SERPINB2: variants seen among roughly 807,000 people sequenced by gnomAD.
SERPINB2 encodes the protein serpin family B member 2.
Under a neutral mutation model 39.4 loss-of-function variants are expected in SERPINB2, and 28 were observed. That is an observed-to-expected ratio of 0.71 (90% CI 0.53 to 0.97). The LOEUF is 0.97. SERPINB2 is among the 50% of genes least tolerant of loss of function. The pLI, the probability that SERPINB2 is intolerant of heterozygous loss-of-function variation, is 0.00. For synonymous variants in SERPINB2, 209 were observed against 175.1 expected, an observed-to-expected ratio of 1.19 and a Z score of -1.53; for missense variants, 557 against 505.3, an observed-to-expected ratio of 1.10 and a Z score of -0.98.
intron 2 of SERPINB2, among the ~76,000 whole-genome samples, chr18:63,892,356 G>A (rs1189667111): frequency 1.3e-5 from 2 of 152,122 alleles, no homozygotes; most frequent in Non-Finnish European, 2.9e-5. Flanking sequence ...CTCTTTCCAC[G>A]GAGTCTGGGC....
chr18:63,894,471 G>A (rs1317881709), intron 2 of SERPINB2, among the ~76,000 whole-genome samples: 1 of 152,086 alleles, frequency 6.6e-6, no homozygotes, highest in Non-Finnish European at 1.5e-5. Context: ...CTTCTCCTCA[G>A]GGACCCCATA....
chr18:63,888,162 C>A (rs2049904632), intron 1 of SERPINB2, among the ~76,000 whole-genome samples: 1 of 152,112 alleles, frequency 6.6e-6, no homozygotes, highest in Admixed American at 6.5e-5. Flanking sequence ...TGAATGTAAT[C>A]TCTACATTGT....
intron 4 of SERPINB2, 51 bp from the exon 5 acceptor site, chr18:63,897,676 G>A: frequency 8.2e-7 from 1 of 1,212,638 alleles, no homozygotes; most frequent in South Asian, 1.2e-5. Context: ...TTATGCCATG[G>A]CTTGTTTGGT....
chr18:63,897,042 G>T, intron 3 of SERPINB2, 49 bp from the exon 4 acceptor site: 1 of 1,547,700 alleles, frequency 6.5e-7, no homozygotes, highest in Non-Finnish European at 8.8e-7. Context: ...GAACTATCTT[G>T]TTTAGTAGTT....
At chr18:63,896,274 G>A (rs532958465) in intron 3 of SERPINB2, among the ~76,000 whole-genome samples, 1 of 152,294 alleles carries the variant, frequency 6.6e-6, no homozygotes, top group South Asian at 2.1e-4. Context: ...CCCTGCCCTA[G>A]GACAGGCTGC....
intron 2 of SERPINB2, among the ~76,000 whole-genome samples, chr18:63,894,349 C>T (rs1332133763): frequency 6.6e-6 from 1 of 152,210 alleles, no homozygotes; most frequent in African/African-American, 2.4e-5. Context: ...AAAGACCTCA[C>T]AAACCCTAAC....
chr18:63,902,410 C>T lies in SERPINB2; in HGVS notation c.685C>T (p.Arg229Cys), dbSNP rs560133768. 1.1e-5 allele frequency: 17 copies of T among 1,598,842 alleles called. No individual in the cohort carries two copies. Among genetic ancestry groups the T allele is most frequent in the African/African-American group, 1.3e-5 (1 of 74,260 alleles). The change falls in exon 7 of 8, where the codon CGC (arginine) becomes TGC (cysteine). Residue 229 changes from arginine (R) to cysteine (C), a missense_variant. Transcript: ENST00000299502. ...LYPFRVNSAQ[R>C]TPVQMMYLRE... ...TACCTTTTAATAATATTAGGCTCAGCGCACACCTGTACAGATGATGTACTT... is the reference window on the plus strand; with the variant it reads ...TACCTTTTAATAATATTAGGCTCAGTGCACACCTGTACAGATGATGTACTT...
Position 63,895,285 on chromosome 18 carries a change from G to A in SERPINB2, c.190G>A (p.Gly64Arg), listed in dbSNP as rs2049951784. The A allele has an allele frequency of 1.2e-6, 2 of 1,613,916 alleles. No homozygotes were observed. Among genetic ancestry groups the A allele is most frequent in the Non-Finnish European group, 1.7e-6 (2 of 1,179,936 alleles). ...GCAGGTGCTTCAGTTTAATGAAGTG[G>A]GAGCCAATGCAGTTACCCCCATGAC... is the stretch of plus-strand genomic sequence containing the variant. ...MAKVLQFNEV[G>R]ANAVTPMTPE... Residue 64 changes from glycine to arginine, a missense_variant, in exon 3 of 8, where the codon GGA becomes AGA. Coordinates refer to ENST00000299502, the MANE Select transcript of SERPINB2 (RefSeq NM_002575.3).
At chr18:63,901,238 A>G (rs1453097855) in intron 5 of SERPINB2, among the ~76,000 whole-genome samples, 2 of 152,178 alleles carry the variant, frequency 1.3e-5, no homozygotes, top group African/African-American at 4.8e-5. Context: ...AGGCTCATCC[A>G]GGATAATTCT....
rs375827996 is a variant in SERPINB2, at chr18:63,903,452, A to C, written c.*147A>C. 8 of 644,502 alleles carry C rather than the reference A, an allele frequency of 1.2e-5. No individual in the cohort carries two copies. In the Admixed American group the frequency reaches 1.6e-4, roughly 13 times the overall value. The allele number at this position is 644,502 out of a possible 1,614,324, so 39.9% of individuals were successfully genotyped here. A position where few individuals can be genotyped will look rare whatever the true frequency, so the allele number is the denominator to read the frequency against. ...TCTGCTACCCACTAAATAAAAACAC[A>C]GAAATAATTAGACAATTGTCTATTA... On this transcript the variant is annotated 3_prime_UTR_variant, in exon 8 of 8. Transcript: ENST00000299502.
At chr18:63,889,462 A>G (rs1392507158) in intron 1 of SERPINB2, among the ~76,000 whole-genome samples, 2 of 152,192 alleles carry the variant, frequency 1.3e-5, no homozygotes, top group Non-Finnish European at 2.9e-5. Flanking sequence ...GGATTGTTAC[A>G]AAGAATCCGG....
chr18:63,901,769 T>A lies in SERPINB2; in HGVS notation c.565T>A (p.Ser189Thr). The stretch of plus-strand genomic sequence containing the variant: ...AATCCCAAACTTGTTACCTGAAGGT[T>A]CTGTAGATGGGGATACCAGGATGGT... ...GKIPNLLPEG[S>T]VDGDTRMVLV... The change falls in exon 6 of 8, where the codon TCT (serine) becomes ACT (threonine). Residue 189 changes from serine (S) to threonine (T), a missense_variant. Transcript: ENST00000299502. 6 of 1,572,350 alleles carry A rather than the reference T, an allele frequency of 3.8e-6. No individual in the cohort carries two copies. The highest frequency in any genetic ancestry group is 5.1e-6 in the Non-Finnish European group (6 of 1,168,608).
At chr18:63,897,529 G>T (rs2049967529) in intron 4 of SERPINB2, among the ~76,000 whole-genome samples, 198 bp from the exon 5 acceptor site, 2 of 151,896 alleles carry the variant, frequency 1.3e-5, no homozygotes, top group Admixed American at 1.3e-4. Context: ...GTACAAGAGG[G>T]TGGATAGAGT....
At position 63,903,213 on chromosome 18, in the gene SERPINB2, C is replaced by T; in HGVS notation, c.1156C>T (p.Pro386Ser). Residue 386 changes from proline (P) to serine (S), a missense_variant, in exon 8 of 8, where the codon CCA becomes TCA. By Grantham distance (74) the Pro-to-Ser change is moderately conservative. Transcript: ENST00000299502. ...VMTGRTGHGG[P>S]QFVADHPFLF... is the part of the protein sequence containing the mutation. The stretch of plus-strand genomic sequence containing the variant: ...GACAGGGAGAACTGGACATGGAGGC[C>T]CACAGTTTGTGGCAGATCATCCTTT... The T allele has an allele frequency of 1.2e-6, 2 of 1,612,098 alleles. No homozygotes were observed. Among genetic ancestry groups the T allele is most frequent in the Non-Finnish European group, 1.7e-6 (2 of 1,179,184 alleles).
rs1362677543 is a variant in SERPINB2 at position 63,891,602 on chromosome 18, A to G, written c.158A>G (p.Gln53Arg). 1.2e-6 allele frequency: 2 copies of G among 1,613,520 alleles called. No individual in the cohort carries two copies. Among genetic ancestry groups the G allele is most frequent in the African/African-American group, 1.3e-5 (1 of 75,042 alleles). ...YMGSRGSTED[Q>R]MAKVLQFNEV... ...GGCTCCAGGGGCAGCACCGAAGACC[A>G]GATGGCCAAGGTGAGTTTGAGCTGA... The change falls in exon 2 of 8, where the codon CAG (glutamine) becomes CGG (arginine). Residue 53 changes from glutamine (Q) to arginine (R), a missense_variant. Physicochemically the swap from Gln to Arg is conservative, Grantham distance 43 (BLOSUM62 1). Coordinates refer to ENST00000299502, the MANE Select transcript of SERPINB2 (RefSeq NM_002575.3).
At position 63,891,585 on chromosome 18, in the gene SERPINB2, G is replaced by A. The variant is rs759788422; in HGVS notation, c.141G>A (p.Arg47=). 1 of 1,613,918 alleles carries A rather than the reference G, an allele frequency of 6.2e-7. No individual in the cohort carries two copies. Among genetic ancestry groups the A allele is most frequent in the Admixed American group, 1.7e-5 (1 of 60,016 alleles). Residue 47 remains arginine, a synonymous_variant, in exon 2 of 8, where the codon AGG becomes AGA. Coordinates refer to ENST00000299502, the MANE Select transcript of SERPINB2 (RefSeq NM_002575.3). Reference sequence around the variant, plus strand: ...TGGCCATGGTCTACATGGGCTCCAGGGGCAGCACCGAAGACCAGATGGCCA... The same window carrying A: ...TGGCCATGGTCTACATGGGCTCCAGAGGCAGCACCGAAGACCAGATGGCCA... ...STMAMVYMGS[R]GSTEDQMAKV...
chr18:63,889,601 CAGTT>C (rs2049912946), intron 1 of SERPINB2, among the ~76,000 whole-genome samples: 2 of 151,904 alleles, frequency 1.3e-5, no homozygotes, highest in African/African-American at 4.8e-5. Flanking sequence ...TATTAATACT[CAGTT>C]TGTTTCCAAA....
Position 63,897,779 on chromosome 18 carries a change from A to G in SERPINB2, c.470A>G (p.Asp157Gly). The G allele has an allele frequency of 1.2e-6, 2 of 1,613,678 alleles. No homozygotes were observed. Among genetic ancestry groups the G allele is most frequent in the South Asian group, 1.1e-5 (1 of 91,068 alleles). ...TACTCCTCAGAACCCCAGGCAGTAG[A>G]CTTCCTAGAATGTGCAGAAGAAGCT... is the stretch of plus-strand genomic sequence containing the variant. Reference protein sequence around the residue: ...KYYSSEPQAVDFLECAEEARK... With the variant: ...KYYSSEPQAVGFLECAEEARK... The change falls in exon 5 of 8, where the codon GAC becomes GGC. Residue 157 changes from aspartate (D) to glycine (G), a missense_variant. Coordinates refer to ENST00000299502, the MANE Select transcript of SERPINB2 (RefSeq NM_002575.3).
chr18:63,889,267 C>A (rs1402728770), intron 1 of SERPINB2, among the ~76,000 whole-genome samples: 3 of 152,080 alleles, frequency 2.0e-5, no homozygotes, highest in Non-Finnish European at 4.4e-5. Context: ...ATTAATTACA[C>A]CTTATTTAAA....
Sources: allele counts gnomAD v4.1 joint callset (sites outside exome capture counted in the v4.1 genomes callset), GRCh38; gene constraint gnomAD v4.1.1; transcripts MANE v1.5; gene names NCBI Gene and HGNC (gene_info 2026-07-23, HGNC 2026-07-21).